MAGEA11: variants seen among roughly 807,000 people sequenced by gnomAD.
MAGEA11 encodes melanoma-associated antigen 11.
A neutral mutation model predicts 8.4 loss-of-function variants in MAGEA11; 1 was observed. That is an observed-to-expected ratio of 0.12 (90% CI 0.04 to 0.57). The LOEUF (loss-of-function observed/expected upper bound fraction) is 0.57. MAGEA11 is among the 20% of genes least tolerant of loss of function. MAGEA11 has a pLI of 0.91. For synonymous variants in MAGEA11, 127 were observed against 119.3 expected (o/e 1.06, Z -0.42); for missense variants, 209 against 317.3 (o/e 0.66, Z 2.59).
chrX:149,706,946 AAGAG>A (rs1557361532), intron 1 of MAGEA11, among the ~76,000 whole-genome samples: 1 of 112,828 alleles, frequency 8.9e-6, no homozygotes, highest in African/African-American at 3.2e-5. Context: ...GCCTCCTGAC[AAGAG>A]AGAGTGTTCA....
chrX:149,711,789 G>A (rs782769167), upstream of MAGEA11: 21 of 750,089 alleles, frequency 2.8e-5, no homozygotes, highest in South Asian at 1.2e-3. Flanking sequence ...GACTTGGTCC[G>A]AGAGGAGCAG....
chrX:149,698,744 T>A, intron 1 of MAGEA11, among the ~76,000 whole-genome samples: 1 of 111,330 alleles, frequency 9.0e-6, no homozygotes. Context: ...CAGCATGCAT[T>A]AGCTATTTTT....
At chrX:149,698,985 C>T (rs1557360779) in intron 1 of MAGEA11, among the ~76,000 whole-genome samples, 13 of 111,464 alleles carry the variant, frequency 1.2e-4, no homozygotes, top group Non-Finnish European at 2.4e-4. Flanking sequence ...GTACATGTAC[C>T]ACATTTTATT....
At chrX:149,710,459 G>GT (rs1215756896), upstream of MAGEA11, among the ~76,000 whole-genome samples, 1 of 110,879 alleles carries the variant, frequency 9.0e-6, no homozygotes, top group East Asian at 2.8e-4. Context: ...GTTTGGTTTT[G>GT]TTTTTTTGAG....
intron 1 of MAGEA11, among the ~76,000 whole-genome samples, chrX:149,698,941 C>A (rs2124284738): frequency 8.9e-6 from 1 of 111,869 alleles, no homozygotes; most frequent in South Asian, 3.8e-4. Context: ...GACATTATCT[C>A]ATTCCTTTTT....
chrX:149,703,083 A>T (rs782586938), intron 1 of MAGEA11, among the ~76,000 whole-genome samples: 32 of 111,334 alleles, frequency 2.9e-4, no homozygotes, highest in Non-Finnish European at 5.5e-4. Flanking sequence ...GATGGAGAAA[A>T]GGGGCCTCAG....
intron 1 of MAGEA11, among the ~76,000 whole-genome samples, chrX:149,696,682 C>T (rs1220011794): frequency 9.0e-6 from 1 of 111,243 alleles, no homozygotes; most frequent in East Asian, 2.9e-4. Flanking sequence ...TCCTAACCCA[C>T]CTCACTTCCT....
At chrX:149,709,175 C>T (rs2090389397), upstream of MAGEA11, among the ~76,000 whole-genome samples, 1 of 108,852 alleles carries the variant, frequency 9.2e-6, no homozygotes, top group South Asian at 4.1e-4. Flanking sequence ...ATCCTAGCTA[C>T]TCAGGAGGCT....
At chrX:149,714,979 G>A (rs1388632541) in intron 3 of MAGEA11, among the ~76,000 whole-genome samples, 5 of 111,808 alleles carry the variant, frequency 4.5e-5, no homozygotes, top group African/African-American at 1.6e-4. Flanking sequence ...GGTCAACAGA[G>A]GGAGGGTCCC....
At chrX:149,689,973 G>A (rs1398295965) in intron 1 of MAGEA11, among the ~76,000 whole-genome samples, 1 of 111,944 alleles carries the variant, frequency 8.9e-6, no homozygotes, top group African/African-American at 3.2e-5. Context: ...ATTTTGCAAG[G>A]ATCTTCCTTA....
At chrX:149,704,694 C>A (rs1334139198) in intron 1 of MAGEA11, among the ~76,000 whole-genome samples, 1 of 112,113 alleles carries the variant, frequency 8.9e-6, no homozygotes, top group Non-Finnish European at 1.9e-5. Context: ...GCTACAGCAA[C>A]CATTTGACAT....
chrX:149,716,392 A>G lies in MAGEA11; in HGVS notation c.906A>G (p.Ile302Met). The G allele has an allele frequency of 8.3e-7, 1 of 1,211,830 alleles. No homozygotes were observed. The highest frequency in any genetic ancestry group is 1.7e-5 in the African/African-American group (1 of 57,813). ...VTSLNLSYDG[I>M]QCNEQSMPKS... is the part of the protein sequence containing the mutation. ...CCCTCAACCTCTCTTATGATGGCAT[A>G]CAGTGTAATGAGCAGAGCATGCCCA... is the stretch of plus-strand genomic sequence containing the variant. The change falls in exon 5 of 5, where the codon ATA becomes ATG. Residue 302 changes from isoleucine (I) to methionine (M), a missense_variant. By Grantham distance (10) the Ile-to-Met change is conservative (BLOSUM62 1). Around this residue, in one of 2 missense-constraint regions of MAGEA11, gnomAD observed 78 missense variants for 178.8 expected, o/e 0.44. Coordinates refer to ENST00000355220, the MANE Select transcript of MAGEA11 (RefSeq NM_005366.5).
chrX:149,701,212 T>A (rs1245775533), intron 1 of MAGEA11, among the ~76,000 whole-genome samples: 2 of 107,762 alleles, frequency 1.9e-5, no homozygotes, highest in East Asian at 6.0e-4. Context: ...TTTCTCCACA[T>A]CCTCTCCAGC....
At chrX:149,706,073 C>G (rs1451777408) in intron 1 of MAGEA11, among the ~76,000 whole-genome samples, 1 of 112,094 alleles carries the variant, frequency 8.9e-6, no homozygotes, top group Admixed American at 9.4e-5. Flanking sequence ...TCCAGCTCAC[C>G]TCCAGTCCCA....
At chrX:149,702,514 T>C (rs2090358790) in intron 1 of MAGEA11, among the ~76,000 whole-genome samples, 1 of 111,311 alleles carries the variant, frequency 9.0e-6, no homozygotes, top group African/African-American at 3.3e-5. Flanking sequence ...GCTTGTATGA[T>C]ATATCTTTTC....
chrX:149,709,703 A>G (rs2124299362), upstream of MAGEA11, among the ~76,000 whole-genome samples: 1 of 112,479 alleles, frequency 8.9e-6, no homozygotes, highest in East Asian at 2.8e-4. Context: ...CTTCAGTGTG[A>G]TTCCCTATAT....
intron 1 of MAGEA11, chrX:149,689,056 TATAG>T: frequency 1.1e-6 from 1 of 902,004 alleles, no homozygotes; most frequent in Non-Finnish European, 1.5e-6. Context: ...ATTCAGTAAC[TATAG>T]ATAAAGGGCT....
In MAGEA11 at chrX:149,714,499, G is replaced by A; in HGVS notation, c.115G>A (p.Glu39Lys). 1 of 1,211,287 alleles carries A rather than the reference G, an allele frequency of 8.3e-7. No homozygotes were observed. Among genetic ancestry groups the A allele is most frequent in the Non-Finnish European group, 1.1e-6 (1 of 895,296 alleles). ...FGLQVSTMFS[E>K]DDFQSTERAP... is the part of the protein sequence containing the mutation. ...TGGGCAGGTGAGCACTATGTTCTCA[G>A]AGGACGACTTCCAGTCAACAGAAAG... Residue 39 changes from glutamate to lysine, a missense_variant, in exon 3 of 5, where the codon GAG becomes AAG. Physicochemically the swap from Glu to Lys is moderately conservative, Grantham distance 56. Transcript: ENST00000355220.
rs201463359 is a variant in MAGEA11 at position 149,692,095 on chromosome X, A to AT, written c.9+3121dup. On this transcript the variant is annotated intron_variant, in intron 1 of 3. Coordinates refer to the MAGEA11 transcript ENST00000333104. ...CATGCAGAAGCAAGGCAAAGAAAATATTTTTTTTTTGGTTTAGGTGGAGCT... is the reference window on the plus strand; with the variant it reads ...CATGCAGAAGCAAGGCAAAGAAAATATTTTTTTTTTTGGTTTAGGTGGAGCT... 4.9e-3 allele frequency among the ~76,000 whole-genome samples: 534 copies of AT among 109,237 alleles called. 1 individual carries two copies. Among genetic ancestry groups the AT allele is most frequent in the African/African-American group, 0.012 (374 of 30,127 alleles). The allele number at this position is 109,237 out of a possible 115,157, so 94.9% of individuals were successfully genotyped here. A position where few individuals can be genotyped will look rare whatever the true frequency, so the allele number is the denominator to read the frequency against.
Sources: gnomAD v4.1 joint callset for allele counts (sites outside exome capture counted in the v4.1 genomes callset) on GRCh38, gnomAD v4.1.1 for gene constraint, gnomAD v4.1.1 regional missense constraint, MANE v1.5 for transcripts, NCBI Gene and HGNC (gene_info 2026-07-23, HGNC 2026-07-21) for gene names.